MSANTD4: variants seen among roughly 807,000 people sequenced by gnomAD.
MSANTD4 encodes the protein myb/SANT-like DNA-binding domain-containing protein 4.
A neutral mutation model predicts 34.3 loss-of-function variants in MSANTD4; 13 were observed. That is an observed-to-expected ratio of 0.38 (90% CI 0.25 to 0.60). The LOEUF is 0.60. Ranked by LOEUF, MSANTD4 falls within the 20% of genes least tolerant of loss-of-function variation. The pLI is 0.63. For missense variants in MSANTD4, 358 were observed against 401.8 expected, an observed-to-expected ratio of 0.89 and a Z score of 0.93; for synonymous variants, 137 against 145.2, an observed-to-expected ratio of 0.94 and a Z score of 0.41.
chr11:106,012,521 G>A (rs1187999240), intron 1 of MSANTD4, among the ~76,000 whole-genome samples: 1 of 152,164 alleles, frequency 6.6e-6, no homozygotes, highest in Non-Finnish European at 1.5e-5. Flanking sequence ...GGCAATATTT[G>A]TATACAGATT....
rs574835605 is a variant in MSANTD4 at position 106,013,586 on chromosome 11, C to T, written c.-150-2519G>A. On this transcript the variant is annotated intron_variant, in intron 1 of 2. Transcript: ENST00000301919. ...CCTTAAAAATGTGTTGTTGCCCAGG[C>T]GCGGTGGCTCATGCCTGTAATCCTA... Among the ~76,000 whole-genome samples the T allele has an allele frequency of 6.6e-5, 10 of 152,276 alleles. No homozygotes were observed. In the South Asian group the frequency reaches 2.1e-3, roughly 32 times the overall value.
At chr11:106,019,242 C>T (rs1183859362) in intron 1 of MSANTD4, among the ~76,000 whole-genome samples, 1 of 152,144 alleles carries the variant, frequency 6.6e-6, no homozygotes, top group Admixed American at 6.5e-5. Context: ...TTTCAAATCC[C>T]TCTAAATTCT....
At chr11:106,011,307 A>G (rs935327175) in intron 1 of MSANTD4, among the ~76,000 whole-genome samples, 2 of 151,944 alleles carry the variant, frequency 1.3e-5, no homozygotes, top group African/African-American at 4.8e-5. Flanking sequence ...CCTTCCTACT[A>G]CTTCAGCTCC....
Position 106,010,493 on chromosome 11 carries a change from T to C in MSANTD4, c.425A>G (p.Lys142Arg), listed in dbSNP as rs966146553. ...CGGATCCCTTTCTTCCTCTTCCACC[T>C]TGACCTCAGTTAAGGATCCACCTGC... ...RDAGGSLTEV[K>R]VEEEERDPQS... The change falls in exon 2 of 3, where the codon AAG (lysine) becomes AGG (arginine). Residue 142 changes from lysine (K) to arginine (R), a missense_variant. This residue lies in a region of MSANTD4 where 312 missense variants were observed against 317.6 expected (regional missense o/e 0.98). Transcript: ENST00000301919. 2 of 1,614,006 alleles carry C rather than the reference T, an allele frequency of 1.2e-6. No individual in the cohort carries two copies. The highest frequency in any genetic ancestry group is 2.7e-5 in the African/African-American group (2 of 74,952).
chr11:106,010,601 G>A lies in MSANTD4; in HGVS notation c.317C>T (p.Ser106Phe). The change falls in exon 2 of 3, where the codon TCT becomes TTT. Residue 106 changes from serine to phenylalanine, a missense_variant. By Grantham distance (155) the Ser-to-Phe change is radical. Coordinates refer to ENST00000301919, the MANE Select transcript of MSANTD4 (RefSeq NM_032424.3). ...CTTTTCATCTATCTCTTCAGTGAGAGAGTCATCCAAATCAGAGGAGGGAAG... is the reference window on the plus strand; with the variant it reads ...CTTTTCATCTATCTCTTCAGTGAGAAAGTCATCCAAATCAGAGGAGGGAAG... ...FPLPSSDLDDSLTEEIDEKIG... is the reference protein window; with the variant it reads ...FPLPSSDLDDFLTEEIDEKIG... The A allele has an allele frequency of 1.9e-6, 3 of 1,614,164 alleles. No individual in the cohort carries two copies. Among genetic ancestry groups the A allele is most frequent in the Non-Finnish European group, 2.5e-6 (3 of 1,180,018 alleles).
Position 106,021,162 on chromosome 11 carries a change from T to C in MSANTD4, c.-351A>G, listed in dbSNP as rs1166462427. ...TAACACCTCATAAAATGTGAAAATATGTCATTTTAGATGTCAAACACTATC... is the reference window on the plus strand; with the variant it reads ...TAACACCTCATAAAATGTGAAAATACGTCATTTTAGATGTCAAACACTATC... On this transcript the variant is annotated 5_prime_UTR_variant, in exon 1 of 3. Coordinates refer to ENST00000301919, the MANE Select transcript of MSANTD4 (RefSeq NM_032424.3). 6.6e-6 allele frequency: 1 copy of C among 152,212 alleles called. No individual in the cohort carries two copies. Among genetic ancestry groups the C allele is most frequent in the Non-Finnish European group, 1.5e-5 (1 of 68,032 alleles). 9.4% of individuals were successfully genotyped at this position (152,212 alleles called of 1,614,324 possible).
chr11:106,021,911 C>T lies in MSANTD4; in HGVS notation c.-1100G>A, dbSNP rs1860052735. ...GTCGGGGCAACCTGGAAGATCTCCT[C>T]TCTCTGGGTATTAAATGAGAGTCCC... On this transcript the variant is annotated 5_prime_UTR_variant, in exon 1 of 3. Transcript: ENST00000301919. 3 of 152,278 alleles carry T rather than the reference C, an allele frequency of 2.0e-5. No homozygotes were observed. Among genetic ancestry groups the T allele is most frequent in the South Asian group, 2.1e-4 (1 of 4,834 alleles). The allele number at this position is 152,278 out of a possible 1,614,324, so 9.4% of individuals were successfully genotyped here.
intron 1 of MSANTD4, among the ~76,000 whole-genome samples, chr11:106,014,352 G>A (rs1859784485): frequency 6.6e-6 from 1 of 152,088 alleles, no homozygotes; most frequent in African/African-American, 2.4e-5. Context: ...AACCACTTCT[G>A]GTTTGGAGCT....
intron 1 of MSANTD4, among the ~76,000 whole-genome samples, chr11:106,012,497 T>G (rs1388253152): frequency 6.6e-6 from 1 of 152,198 alleles, no homozygotes; most frequent in African/African-American, 2.4e-5. Context: ...AAATAAATTT[T>G]AAAATATCCA....
Position 106,009,515 on chromosome 11 carries a change from T to G in MSANTD4, c.*20A>C, listed in dbSNP as rs770840514. On this transcript the variant is annotated 3_prime_UTR_variant, in exon 3 of 3. Coordinates refer to ENST00000301919, the MANE Select transcript of MSANTD4 (RefSeq NM_032424.3). ...AAATCTAGAGTTTTCAAACATTTGC[T>G]AAATGGAAGCCTGGAAAAATCACTG... is the stretch of plus-strand genomic sequence containing the variant. The G allele has an allele frequency of 1.3e-6, 2 of 1,568,286 alleles. No homozygotes were observed. Among genetic ancestry groups the G allele is most frequent in the Admixed American group, 4.0e-5 (2 of 50,288 alleles).
intron 1 of MSANTD4, among the ~76,000 whole-genome samples, chr11:106,019,454 C>G (rs1373176908): frequency 6.6e-6 from 1 of 152,156 alleles, no homozygotes; most frequent in Admixed American, 6.5e-5. Context: ...TACTGGCTAC[C>G]ATACTGGAAC....
At position 106,010,732 on chromosome 11, in the gene MSANTD4, T is replaced by C; in HGVS notation, c.186A>G (p.Glu62=). ...AQCVNAVGEG[E]QRTGTEVKRR... is the part of the protein sequence containing the mutation. ...TTTTCACCTCTGTCCCTGTCCTCTG[T>C]TCTCCTTCTCCTACAGCATTCACAC... The change falls in exon 2 of 3, where the codon GAA becomes GAG. Residue 62 remains glutamate, a synonymous_variant. Transcript: ENST00000301919. 6.2e-7 allele frequency: 1 copy of C among 1,614,210 alleles called. No individual in the cohort carries two copies. Among genetic ancestry groups the C allele is most frequent in the Non-Finnish European group, 8.5e-7 (1 of 1,180,024 alleles).
At chr11:106,020,009 A>C (rs1475249909) in intron 1 of MSANTD4, among the ~76,000 whole-genome samples, 1 of 152,236 alleles carries the variant, frequency 6.6e-6, no homozygotes, top group Non-Finnish European at 1.5e-5. Context: ...TATCATGCCT[A>C]AGACATAGTA....
intron 1 of MSANTD4, among the ~76,000 whole-genome samples, chr11:106,013,901 T>C (rs1188728026): frequency 6.6e-6 from 1 of 152,160 alleles, no homozygotes; most frequent in Admixed American, 6.5e-5. Flanking sequence ...TAAGGTAAGT[T>C]TTGAGATGTC....
At chr11:106,018,011 C>A (rs1233098473) in intron 1 of MSANTD4, among the ~76,000 whole-genome samples, 3 of 152,044 alleles carry the variant, frequency 2.0e-5, no homozygotes, top group Admixed American at 6.6e-5. Flanking sequence ...CAAATGACGT[C>A]CTCGGACCGC....
At chr11:106,011,132 G>C in intron 1 of MSANTD4, 65 bp from the exon 2 acceptor site, 1 of 762,410 alleles carries the variant, frequency 1.3e-6, no homozygotes, top group Non-Finnish European at 1.9e-6. Context: ...TCAACCTAAT[G>C]AACTATATAA....
At chr11:106,011,727 T>G (rs1859698736) in intron 1 of MSANTD4, among the ~76,000 whole-genome samples, 1 of 152,186 alleles carries the variant, frequency 6.6e-6, no homozygotes, top group Admixed American at 6.5e-5. Flanking sequence ...GCACATGGCA[T>G]GCATACCATA....
intron 1 of MSANTD4, among the ~76,000 whole-genome samples, chr11:106,017,522 A>G (rs550665698): frequency 4.6e-5 from 7 of 152,370 alleles, no homozygotes; most frequent in African/African-American, 1.7e-4. Context: ...ATATACATAT[A>G]GTTAGAAAAT....
intron 1 of MSANTD4, among the ~76,000 whole-genome samples, chr11:106,015,325 A>T (rs1374827280): frequency 6.6e-6 from 1 of 152,216 alleles, no homozygotes; most frequent in Non-Finnish European, 1.5e-5. Context: ...AATGATAATA[A>T]CATTACTTCA....
Sources: allele counts gnomAD v4.1 joint callset (sites outside exome capture counted in the v4.1 genomes callset), GRCh38; gene constraint gnomAD v4.1.1; regional missense constraint gnomAD v4.1.1; transcripts MANE v1.5; gene names NCBI Gene and HGNC (gene_info 2026-07-23, HGNC 2026-07-21).